The following SGCZ variants were observed in gnomAD, a reference collection of about 807,000 sequenced individuals.
The protein encoded by SGCZ is sarcoglycan zeta, also known as zeta-sarcoglycan.
A neutral mutation model predicts 41.3 loss-of-function variants in SGCZ; 40 were observed. That is an observed-to-expected ratio of 0.97 (90% CI 0.75 to 1.26). SGCZ has a LOEUF of 1.26. Ranked by LOEUF, SGCZ falls within the 50% of genes most tolerant of loss-of-function variation. The pLI is 0.00. For synonymous variants in SGCZ, 206 were observed against 137.5 expected (o/e 1.50, Z -3.49); for missense variants, 552 against 369.8 (o/e 1.49, Z -4.04).
intron 1 of SGCZ, among the ~76,000 whole-genome samples, chr8:14,748,310 A>G (rs1799397363): frequency 6.6e-6 from 1 of 152,180 alleles, no homozygotes; most frequent in African/African-American, 2.4e-5. Flanking sequence ...TTCAATGCCC[A>G]TGCTTTTAAC....
At chr8:14,590,252 A>C (rs1805198879) in intron 1 of SGCZ, among the ~76,000 whole-genome samples, 1 of 152,114 alleles carries the variant, frequency 6.6e-6, no homozygotes, top group African/African-American at 2.4e-5. Flanking sequence ...AGCAAAAATA[A>C]TATGGTGTGG....
chr8:14,832,690 G>C (rs918069204), intron 1 of SGCZ, among the ~76,000 whole-genome samples: 2 of 152,068 alleles, frequency 1.3e-5, no homozygotes, highest in Admixed American at 6.6e-5. Flanking sequence ...AGAGTATATG[G>C]GTGTGTTGAC....
intron 1 of SGCZ, among the ~76,000 whole-genome samples, chr8:14,692,762 A>C: frequency 6.6e-6 from 1 of 152,212 alleles, no homozygotes; most frequent in East Asian, 1.9e-4. Context: ...CCTAAATTGT[A>C]TCTTTCGGAG....
At chr8:14,769,431 T>C (rs1276218678) in intron 1 of SGCZ, among the ~76,000 whole-genome samples, 2 of 152,230 alleles carry the variant, frequency 1.3e-5, no homozygotes, top group African/African-American at 2.4e-5. Context: ...CATGAGATGT[T>C]AAATTTGAAA....
chr8:14,601,705 G>A (rs766354897), intron 1 of SGCZ, among the ~76,000 whole-genome samples: 10 of 152,212 alleles, frequency 6.6e-5, no homozygotes, highest in African/African-American at 9.7e-5. Context: ...GCAGATGTGA[G>A]AACATCTATA....
intron 2 of SGCZ, among the ~76,000 whole-genome samples, chr8:14,484,339 A>T (rs779895615): frequency 7.2e-5 from 11 of 152,190 alleles, no homozygotes; most frequent in Non-Finnish European, 1.2e-4. Context: ...AAACGATGCA[A>T]GTTAGTGACT....
intron 2 of SGCZ, among the ~76,000 whole-genome samples, chr8:14,418,922 C>T (rs11988532): frequency 0.059 from 8,943 of 151,944 alleles, 785 homozygotes; most frequent in African/African-American, 0.19. Context: ...CCCAAATGTA[C>T]ACTTCATAAC....
At chr8:14,112,931 A>T (rs1241101655) in intron 5 of SGCZ, among the ~76,000 whole-genome samples, 1 of 152,066 alleles carries the variant, frequency 6.6e-6, no homozygotes, top group Non-Finnish European at 1.5e-5. Flanking sequence ...CTGGAAAAAA[A>T]TATTAATTGG....
chr8:14,197,105 G>C (rs561522947), intron 4 of SGCZ, among the ~76,000 whole-genome samples: 1 of 152,096 alleles, frequency 6.6e-6, no homozygotes, highest in Non-Finnish European at 1.5e-5. Flanking sequence ...TTAATATCAT[G>C]TAAATTAAAT....
intron 1 of SGCZ, among the ~76,000 whole-genome samples, chr8:14,717,935 A>C (rs555624326): frequency 6.6e-6 from 1 of 151,020 alleles, no homozygotes; most frequent in African/African-American, 2.4e-5. Flanking sequence ...CTCTATGTTA[A>C]TCATATGACT....
intron 1 of SGCZ, among the ~76,000 whole-genome samples, chr8:14,968,269 T>C (rs901642638): frequency 6.6e-6 from 1 of 152,152 alleles, no homozygotes; most frequent in African/African-American, 2.4e-5. Context: ...GTATTTCTAT[T>C]AAGATTTTTG....
chr8:14,336,578 T>G (rs1332410291), intron 2 of SGCZ, among the ~76,000 whole-genome samples: 2 of 152,194 alleles, frequency 1.3e-5, no homozygotes, highest in Admixed American at 6.5e-5. Flanking sequence ...CATTCTCTTT[T>G]CTTTGCAACT....
chr8:14,858,218 C>T (rs1803606251), intron 1 of SGCZ, among the ~76,000 whole-genome samples: 2 of 151,664 alleles, frequency 1.3e-5, no homozygotes, highest in Non-Finnish European at 2.9e-5. Flanking sequence ...AAAATATATA[C>T]ATATTAATGA....
At chr8:15,050,964 A>G (rs905635344) in intron 1 of SGCZ, among the ~76,000 whole-genome samples, 2 of 152,200 alleles carry the variant, frequency 1.3e-5, no homozygotes, top group Admixed American at 1.3e-4. Flanking sequence ...ATTGAGTGCC[A>G]TTTGTAATGT....
In SGCZ at chr8:14,089,616, T is replaced by C. The variant is rs1031998676; in HGVS notation, c.*827A>G. On this transcript the variant is annotated 3_prime_UTR_variant, in exon 8 of 8. Coordinates refer to ENST00000382080, the MANE Select transcript of SGCZ (RefSeq NM_139167.4). ...CTATGGATTTAATACCATCAACATATCCTTCTTAATCCTGTCTTATATTGC... is the reference window on the plus strand; with the variant it reads ...CTATGGATTTAATACCATCAACATACCCTTCTTAATCCTGTCTTATATTGC... Among the ~76,000 whole-genome samples, 3 of 152,016 alleles carry C rather than the reference T, an allele frequency of 2.0e-5. No homozygotes were observed. Among genetic ancestry groups the C allele is most frequent in the African/African-American group, 7.2e-5 (3 of 41,422 alleles).
At chr8:14,868,980 A>G (rs1434306409) in intron 1 of SGCZ, among the ~76,000 whole-genome samples, 2 of 152,124 alleles carry the variant, frequency 1.3e-5, no homozygotes, top group African/African-American at 2.4e-5. Flanking sequence ...CCAGGACCAG[A>G]CAGATTCACA....
intron 1 of SGCZ, among the ~76,000 whole-genome samples, chr8:14,781,153 G>C (rs1800576009): frequency 6.6e-6 from 1 of 152,106 alleles, no homozygotes; most frequent in Admixed American, 6.6e-5. Flanking sequence ...TGAATTTACT[G>C]CCTCTTTTTT....
In SGCZ at chr8:14,960,289, T is replaced by A. The variant is rs143950151; in HGVS notation, c.39+277296A>T. On this transcript the variant is annotated intron_variant, in intron 1 of 7. Transcript: ENST00000382080. Reference sequence around the variant, plus strand: ...TGCAAATGCAATAAAATTCTATAATTTCCTTGGCTTGATTATTTTATTGAT... The same window carrying A: ...TGCAAATGCAATAAAATTCTATAATATCCTTGGCTTGATTATTTTATTGAT... Among the ~76,000 whole-genome samples, 54 of 152,234 alleles carry A rather than the reference T, an allele frequency of 3.5e-4. No individual in the cohort carries two copies. The Middle Eastern group carries it at 0.017, about 48-fold the overall frequency.
At chr8:14,650,081 G>A (rs1381866335) in intron 1 of SGCZ, among the ~76,000 whole-genome samples, 1 of 152,026 alleles carries the variant, frequency 6.6e-6, no homozygotes, top group Non-Finnish European at 1.5e-5. Flanking sequence ...TAATTCTCAG[G>A]GGTTTGACTG....
Sources: allele counts gnomAD v4.1 joint callset (sites outside exome capture counted in the v4.1 genomes callset), GRCh38; gene constraint gnomAD v4.1.1; transcripts MANE v1.5; gene names NCBI Gene and HGNC (gene_info 2026-07-23, HGNC 2026-07-21).